The following FILIP1 variants were observed in gnomAD, a reference collection of about 807,000 sequenced individuals.
FILIP1 encodes the protein filamin A interacting protein 1.
A neutral mutation model predicts 102.1 loss-of-function variants in FILIP1; 61 were observed. That is an observed-to-expected ratio of 0.60 (90% CI 0.49 to 0.74). The LOEUF is 0.74. Ranked by LOEUF, FILIP1 falls within the 30% of genes least tolerant of loss-of-function variation. The pLI, the probability that FILIP1 is intolerant of heterozygous loss-of-function variation, is 0.00. For missense variants in FILIP1, 1,314 were observed against 1,441.2 expected (o/e 0.91, Z 1.43); for synonymous variants, 491 against 526.9 (o/e 0.93, Z 0.93).
At chr6:75,461,282 A>T (rs1779015710) in intron 1 of FILIP1, among the ~76,000 whole-genome samples, 1 of 152,242 alleles carries the variant, frequency 6.6e-6, no homozygotes, top group Admixed American at 6.5e-5. Context: ...GGCAGAGAGA[A>T]GTTAAGTAAC....
chr6:75,481,651 C>A (rs1369868351), intron 1 of FILIP1, among the ~76,000 whole-genome samples: 4 of 152,186 alleles, frequency 2.6e-5, no homozygotes, highest in South Asian at 2.1e-4. Context: ...ACTCTAACAT[C>A]TGATGCCACA....
At chr6:75,357,401 T>C (rs7451911) in intron 3 of FILIP1, 101,867 of 152,166 alleles carry the variant, frequency 0.67, 34,275 homozygotes, top group Middle Eastern at 0.74. Flanking sequence ...TTTACATCTA[T>C]TCTTGTAGGC....
At chr6:75,370,867 G>A (rs1775497918) in intron 2 of FILIP1, among the ~76,000 whole-genome samples, 1 of 152,074 alleles carries the variant, frequency 6.6e-6, no homozygotes, top group South Asian at 2.1e-4. Context: ...ATGAGCTACT[G>A]TGCCCAGCCC....
Position 75,299,027 on chromosome 6 carries a change from A to T in FILIP1, c.3494-3077T>A, listed in dbSNP as rs148354131. ...GCCAGCAAAAAAAAAAATTAAATAA[A>T]TTTTTAAAAATTAGTGCTTTGGGGA... On this transcript the variant is annotated intron_variant, in intron 6 of 6. Coordinates refer to the FILIP1 transcript ENST00000393004. 9.8e-3 allele frequency among the ~76,000 whole-genome samples: 1,487 copies of T among 152,108 alleles called. 31 individuals carry two copies. Among genetic ancestry groups the T allele is most frequent in the African/African-American group, 0.033 (1,383 of 41,474 alleles).
chr6:75,421,909 T>C (rs1777482211), intron 1 of FILIP1, among the ~76,000 whole-genome samples: 1 of 152,168 alleles, frequency 6.6e-6, no homozygotes, highest in Non-Finnish European at 1.5e-5. Context: ...CTCATGAGTA[T>C]TTCCTAAACA....
At chr6:75,303,181 T>C (rs1400092731), downstream of FILIP1, among the ~76,000 whole-genome samples, 7 of 144,682 alleles carry the variant, frequency 4.8e-5, no homozygotes, top group East Asian at 1.9e-4. Flanking sequence ...AGATGGAGAA[T>C]AATAAGAGAA....
chr6:75,386,074 C>T (rs1253815802), intron 2 of FILIP1: 1 of 152,122 alleles, frequency 6.6e-6, no homozygotes, highest in Non-Finnish European at 1.5e-5. Context: ...TCAAGTTCTC[C>T]CTAGCTTGTT....
intron 4 of FILIP1, among the ~76,000 whole-genome samples, chr6:75,350,040 C>T (rs768235255): frequency 6.6e-6 from 1 of 152,052 alleles, no homozygotes; most frequent in Admixed American, 6.6e-5. Flanking sequence ...AAGCAAGTCA[C>T]GGTGGACGCC....
chr6:75,364,087 A>C (rs1489346844), intron 2 of FILIP1, among the ~76,000 whole-genome samples: 1 of 152,224 alleles, frequency 6.6e-6, no homozygotes, highest in Non-Finnish European at 1.5e-5. Context: ...ATATGGCTAC[A>C]GAATAATTCA....
intron 2 of FILIP1, among the ~76,000 whole-genome samples, chr6:75,412,536 T>C (rs1777114551): frequency 6.6e-6 from 1 of 152,192 alleles, no homozygotes; most frequent in South Asian, 2.1e-4. Flanking sequence ...CCATTCAGTA[T>C]GATGGCTGAT....
At chr6:75,411,315 T>C (rs1334083048) in intron 2 of FILIP1, among the ~76,000 whole-genome samples, 4 of 152,370 alleles carry the variant, frequency 2.6e-5, no homozygotes, top group African/African-American at 9.6e-5. Context: ...TTCTGGATAT[T>C]AGCCCTTTGT....
chr6:75,423,546 G>A (rs533520107), intron 1 of FILIP1, among the ~76,000 whole-genome samples: 1 of 152,246 alleles, frequency 6.6e-6, no homozygotes, highest in South Asian at 2.1e-4. Context: ...GAATCCCAGC[G>A]ATACCGTTAC....
chr6:75,414,357 T>C (rs1448641640), intron 2 of FILIP1, among the ~76,000 whole-genome samples: 1 of 152,094 alleles, frequency 6.6e-6, no homozygotes, highest in Non-Finnish European at 1.5e-5. Flanking sequence ...ACTGCATTTC[T>C]ACATTTTTCA....
intron 3 of FILIP1, among the ~76,000 whole-genome samples, chr6:75,360,020 C>T (rs938954556): frequency 4.6e-5 from 7 of 152,222 alleles, no homozygotes; most frequent in Middle Eastern, 3.2e-3. Flanking sequence ...GAACGCCACT[C>T]ACTGAGGGCA....
chr6:75,344,903 A>G (rs1406279322), intron 4 of FILIP1, among the ~76,000 whole-genome samples: 2 of 152,250 alleles, frequency 1.3e-5, no homozygotes, highest in African/African-American at 4.8e-5. Context: ...TGAGCAACAG[A>G]GCAAGATGCC....
intron 2 of FILIP1, among the ~76,000 whole-genome samples, chr6:75,411,452 T>C (rs993271254): frequency 6.6e-6 from 1 of 152,222 alleles, no homozygotes; most frequent in African/African-American, 2.4e-5. Context: ...TTGGCTTTTG[T>C]TGCCATTGCT....
chr6:75,415,918 C>T (rs1346809180), intron 1 of FILIP1, among the ~76,000 whole-genome samples: 1 of 152,134 alleles, frequency 6.6e-6, no homozygotes, highest in Non-Finnish European at 1.5e-5. Flanking sequence ...TACAAACAAA[C>T]ACACCGAACT....
intron 1 of FILIP1, among the ~76,000 whole-genome samples, chr6:75,419,204 T>G (rs1459288431): frequency 6.6e-6 from 1 of 152,204 alleles, no homozygotes; most frequent in East Asian, 1.9e-4. Flanking sequence ...CTTGCAAATC[T>G]TGACCTTGAA....
intron 4 of FILIP1, among the ~76,000 whole-genome samples, chr6:75,347,098 C>T (rs1329565926): frequency 6.6e-6 from 1 of 152,192 alleles, no homozygotes; most frequent in Non-Finnish European, 1.5e-5. Context: ...ACCTTTCTCC[C>T]TCTGTGCATT....
Sources: gnomAD v4.1 joint callset for allele counts (sites outside exome capture counted in the v4.1 genomes callset) on GRCh38, gnomAD v4.1.1 for gene constraint, MANE v1.5 for transcripts, NCBI Gene and HGNC (gene_info 2026-07-23, HGNC 2026-07-21) for gene names.